The following NINL variants were observed in gnomAD, a reference collection of about 807,000 sequenced individuals.
NINL encodes the protein ninein like, also known as ninein-like protein.
In NINL, 153 loss-of-function variants were observed where a neutral mutation model predicts 160.3. The ratio of observed to expected loss-of-function variants is 0.95; its 90% confidence interval spans 0.84 to 1.09. The LOEUF is 1.09. NINL is among the 50% of genes least tolerant of loss of function. The pLI, the probability that NINL is intolerant of heterozygous loss-of-function variation, is 0.00. For missense variants in NINL, 1,829 were observed against 1,764.0 expected (o/e 1.04, Z -0.66); for synonymous variants, 800 against 734.8 (o/e 1.09, Z -1.43).
At chr20:25,498,536 G>C (rs2063805242) in intron 8 of NINL, among the ~76,000 whole-genome samples, 190 bp from the exon 9 acceptor site, 1 of 152,222 alleles carries the variant, frequency 6.6e-6, no homozygotes, top group Non-Finnish European at 1.5e-5. Context: ...CTGGTGGGCT[G>C]TCAATGGCCT....
intron 1 of NINL, among the ~76,000 whole-genome samples, chr20:25,528,243 C>T (rs538593822): frequency 5.8e-4 from 89 of 152,238 alleles, no homozygotes; most frequent in Non-Finnish European, 1.0e-3. Flanking sequence ...CTATGTTACC[C>T]AGGCTGGTCT....
Position 25,476,277 on chromosome 20 carries a change from AG to A in NINL, c.3013del (p.Leu1005TrpfsTer45), listed in dbSNP as rs1321160525. 6.2e-7 allele frequency: 1 copy of A among 1,613,654 alleles called. No individual in the cohort carries two copies. Among genetic ancestry groups the A allele is most frequent in the Non-Finnish European group, 8.5e-7 (1 of 1,179,940 alleles). ...SEQQARAEGALEPGCHKHSVE... is the reference protein window; with the variant it reads ...SEQQARAEGAXEPGCHKHSVE... ...ACTGTGCTTGTGACACCCAGGCTCC[AG>A]GGCGCCCTCGGCCCGGGCCTGCTGC... is the stretch of plus-strand genomic sequence containing the variant. On this transcript the variant is annotated frameshift_variant, in exon 17 of 24. Coordinates refer to ENST00000278886, the MANE Select transcript of NINL (RefSeq NM_025176.6). LOFTEE classifies it high-confidence loss of function.
At chr20:25,572,705 T>C (rs1056059751) in intron 1 of NINL, among the ~76,000 whole-genome samples, 1 of 152,162 alleles carries the variant, frequency 6.6e-6, no homozygotes, top group African/African-American at 2.4e-5. Flanking sequence ...GTTTTGATAG[T>C]TTTCTAAAAG....
At chr20:25,510,096 G>A (rs2064039739) in intron 5 of NINL, among the ~76,000 whole-genome samples, 1 of 152,258 alleles carries the variant, frequency 6.6e-6, no homozygotes, top group African/African-American at 2.4e-5. Flanking sequence ...GCCTCCCCTT[G>A]CACGCTGCAC....
At chr20:25,526,913 C>G (rs557678689) in intron 1 of NINL, among the ~76,000 whole-genome samples, 2 of 152,186 alleles carry the variant, frequency 1.3e-5, no homozygotes, top group East Asian at 3.9e-4. Context: ...CGCTTGTAAT[C>G]CCAACACTTT....
chr20:25,571,260 A>G (rs2065052049), intron 1 of NINL, among the ~76,000 whole-genome samples: 1 of 152,230 alleles, frequency 6.6e-6, no homozygotes, highest in Non-Finnish European at 1.5e-5. Flanking sequence ...TAGCCACAGT[A>G]CTGCTCATCA....
chr20:25,580,866 A>C (rs979589065), intron 1 of NINL, among the ~76,000 whole-genome samples: 1 of 152,226 alleles, frequency 6.6e-6, no homozygotes, highest in African/African-American at 2.4e-5. Flanking sequence ...CTGAATTCCT[A>C]ATCTGCACTT....
intron 1 of NINL, among the ~76,000 whole-genome samples, chr20:25,552,072 G>A (rs1382403480): frequency 6.6e-6 from 1 of 152,094 alleles, no homozygotes; most frequent in Non-Finnish European, 1.5e-5. Context: ...CTCTGTTTGG[G>A]GAAAAAGAAC....
chr20:25,477,952 CACTT>C (rs1344134562), intron 16 of NINL, among the ~76,000 whole-genome samples: 1 of 147,688 alleles, frequency 6.8e-6, no homozygotes, highest in African/African-American at 2.5e-5. Context: ...AGACGAGTCT[CACTT>C]TTTTTTTTTT....
intron 15 of NINL, among the ~76,000 whole-genome samples, chr20:25,479,931 C>T (rs963574622): frequency 1.3e-5 from 2 of 152,256 alleles, no homozygotes; most frequent in East Asian, 1.9e-4. Flanking sequence ...CAGAGTATCA[C>T]ACCATTCCCT....
intron 10 of NINL, among the ~76,000 whole-genome samples, chr20:25,493,643 G>A (rs2063686379): frequency 1.3e-5 from 2 of 152,148 alleles, no homozygotes. Flanking sequence ...CCAGGGGCCG[G>A]GGGGCATCTT....
At chr20:25,540,297 G>A (rs1163421240) in intron 1 of NINL, among the ~76,000 whole-genome samples, 1 of 152,184 alleles carries the variant, frequency 6.6e-6, no homozygotes, top group Non-Finnish European at 1.5e-5. Context: ...TTGCCACCAA[G>A]TGAAAGAAAA....
At chr20:25,545,153 A>G (rs1416120081) in intron 1 of NINL, among the ~76,000 whole-genome samples, 1 of 152,206 alleles carries the variant, frequency 6.6e-6, no homozygotes, top group African/African-American at 2.4e-5. Flanking sequence ...GCATGTAGGA[A>G]GAGGGTCAGG....
At chr20:25,491,636 G>C (rs185668009) in intron 10 of NINL, 111 bp from the exon 11 acceptor site, 1 of 1,298,704 alleles carries the variant, frequency 7.7e-7, no homozygotes, top group African/African-American at 1.5e-5. Context: ...TCCTCAGCAC[G>C]TGCAGGGCCG....
At chr20:25,543,815 G>A (rs1407396068) in intron 1 of NINL, among the ~76,000 whole-genome samples, 2 of 152,050 alleles carry the variant, frequency 1.3e-5, no homozygotes, top group Non-Finnish European at 2.9e-5. Context: ...CCACCACGTC[G>A]TTTCCATGAG....
intron 18 of NINL, among the ~76,000 whole-genome samples, chr20:25,468,500 G>A (rs1261017966): frequency 9.5e-6 from 1 of 105,496 alleles, no homozygotes; most frequent in South Asian, 3.2e-4. Context: ...CCCCTGCCCT[G>A]TCCCCCGACT....
At chr20:25,548,220 G>T (rs2064759047) in intron 1 of NINL, among the ~76,000 whole-genome samples, 1 of 152,188 alleles carries the variant, frequency 6.6e-6, no homozygotes, top group Non-Finnish European at 1.5e-5. Flanking sequence ...GAGTCAAGCT[G>T]CTTATGCTCT....
chr20:25,474,969 G>A (rs2063195064), intron 17 of NINL, among the ~76,000 whole-genome samples: 2 of 151,888 alleles, frequency 1.3e-5, no homozygotes, highest in Admixed American at 6.6e-5. Flanking sequence ...TTTTAGTAGA[G>A]ATGGGGTTTC....
At chr20:25,485,830 T>A (rs2063494918) in intron 13 of NINL, among the ~76,000 whole-genome samples, 1 of 152,230 alleles carries the variant, frequency 6.6e-6, no homozygotes, top group African/African-American at 2.4e-5. Flanking sequence ...TTCTACAGTG[T>A]TCTGTCCAGG....
Sources: allele counts gnomAD v4.1 joint callset (sites outside exome capture counted in the v4.1 genomes callset), GRCh38; gene constraint gnomAD v4.1.1; transcripts MANE v1.5; gene names NCBI Gene and HGNC (gene_info 2026-07-23, HGNC 2026-07-21).